Variants in ROCK2 observed in about 807,000 individuals in gnomAD.
ROCK2 encodes the protein Rho associated coiled-coil containing protein kinase 2, also known as rho-associated protein kinase 2.
ROCK2 carries 61 observed loss-of-function variants against 195.1 expected under a neutral mutation model. The ratio of observed to expected loss-of-function variants is 0.31; its 90% CI spans 0.25 to 0.39. The LOEUF (loss-of-function observed/expected upper bound fraction) is 0.39, where lower values mean the gene tolerates loss of function less well. ROCK2 is among the 10% of genes least tolerant of loss of function. The pLI is 1.00. For synonymous variants in ROCK2, 504 were observed against 545.5 expected, an observed-to-expected ratio of 0.92 and a Z score of 1.06; for missense variants, 1,109 against 1,637.4, an observed-to-expected ratio of 0.68 and a Z score of 5.57.
chr2:11,205,934 C>T (rs1167896841), intron 20 of ROCK2, among the ~76,000 whole-genome samples: 1 of 151,952 alleles, frequency 6.6e-6, no homozygotes, highest in African/African-American at 2.4e-5. Flanking sequence ...CATGGTGAAA[C>T]CCTATCTCTA....
At chr2:11,229,902 G>A (rs1016620355) in intron 5 of ROCK2, among the ~76,000 whole-genome samples, 6 of 152,112 alleles carry the variant, frequency 3.9e-5, no homozygotes, top group African/African-American at 7.2e-5. Context: ...TAAGAGCCAA[G>A]AGTTTTACTG....
intron 3 of ROCK2, 66 bp downstream of exon 3, chr2:11,286,473 G>T: frequency 2.0e-6 from 2 of 1,007,004 alleles, no homozygotes; most frequent in Non-Finnish European, 3.1e-6. Context: ...CTACTCAGCT[G>T]CTATTGATAA....
chr2:11,322,802 A>G (rs1668440410), intron 1 of ROCK2, among the ~76,000 whole-genome samples: 1 of 152,166 alleles, frequency 6.6e-6, no homozygotes, highest in Non-Finnish European at 1.5e-5. Context: ...AGTTGTGAAG[A>G]GCTTCTTTAC....
At chr2:11,211,532 T>TA in intron 18 of ROCK2, 149 bp downstream of exon 18, 1 of 633,776 alleles carries the variant, frequency 1.6e-6, no homozygotes, top group Non-Finnish European at 2.5e-6. Flanking sequence ...ATAGAATATC[T>TA]ATGTAAAGCT....
Position 11,298,833 on chromosome 2 carries a change from G to A in ROCK2, c.142-11097C>T, listed in dbSNP as rs915402996. Among the ~76,000 whole-genome samples, 5 of 152,220 alleles carry A rather than the reference G, an allele frequency of 3.3e-5. No individual in the cohort carries two copies. The East Asian group carries it at 5.8e-4, about 18-fold the overall frequency. ...TGAGAAGAGGAGAGCTGCCCTGCTG[G>A]AGAATCTGAGATGGAATTAAAGGAA... On this transcript the variant is annotated intron_variant, in intron 1 of 32. Coordinates refer to ENST00000315872, the MANE Select transcript of ROCK2 (RefSeq NM_004850.5).
Position 11,192,250 on chromosome 2 carries a change from G to A in ROCK2, c.4061C>T (p.Ala1354Val), listed in dbSNP as rs766761794. The part of the protein sequence containing the change: ...LVKKIPKKPP[A>V]PDPFARSSPR... ...AGATGATCGGGCAAAAGGGTCTGGA[G>A]CTGGGGGCTTTTTAGGTATCTTTTT... Residue 1354 changes from alanine to valine, a missense_variant, in exon 32 of 33, where the codon GCT (alanine) becomes GTT (valine). Ala to Val is a moderately conservative substitution (Grantham distance 64). This residue lies in a region of ROCK2 where 221 missense variants were observed against 355.1 expected (regional missense o/e 0.62). Coordinates refer to ENST00000315872, the MANE Select transcript of ROCK2 (RefSeq NM_004850.5). This position sits in a 1 kb window ranked among gnomAD's most constrained non-coding sequence, Gnocchi z 5.0. The A allele has an allele frequency of 1.2e-6, 2 of 1,613,916 alleles. No individual in the cohort carries two copies. Among genetic ancestry groups the A allele is most frequent in the South Asian group, 2.2e-5 (2 of 91,076 alleles).
At position 11,329,688 on chromosome 2, in the gene ROCK2, T is replaced by C. The variant is rs868369970; in HGVS notation, c.141+14308A>G. ...ATTCAAAATTTATAACTTTACAGCC[T>C]CCCCATTTTTACAAAAAAAAAAAAT... On this transcript the variant is annotated intron_variant, in intron 1 of 32. Transcript: ENST00000315872. Among the ~76,000 whole-genome samples, 280 of 86,676 alleles carry C rather than the reference T, an allele frequency of 3.2e-3. 3 individuals are homozygous for C. Among genetic ancestry groups the C allele is most frequent in the African/African-American group, 8.3e-3 (278 of 33,382 alleles). The allele number at this position is 86,676 out of a possible 152,430, so 56.9% of individuals were successfully genotyped here. A position where few individuals can be genotyped will look rare whatever the true frequency, so the allele number is the denominator to read the frequency against.
intron 32 of ROCK2, among the ~76,000 whole-genome samples, chr2:11,186,985 A>T (rs1036780443): frequency 6.6e-6 from 1 of 152,154 alleles, no homozygotes; most frequent in African/African-American, 2.4e-5. Context: ...TGTCTCCACC[A>T]TTAACAGGGA....
intron 3 of ROCK2, among the ~76,000 whole-genome samples, chr2:11,258,453 A>T (rs1666110574): frequency 6.6e-6 from 1 of 151,412 alleles, no homozygotes; most frequent in African/African-American, 2.5e-5. Context: ...TTCTTTTTTA[A>T]AATGTTCCCC....
At chr2:11,263,280 T>C (rs1023983906) in intron 3 of ROCK2, among the ~76,000 whole-genome samples, 4 of 152,170 alleles carry the variant, frequency 2.6e-5, no homozygotes, top group Non-Finnish European at 5.9e-5. Flanking sequence ...AGGATCACAG[T>C]CAATTCTTCA....
intron 1 of ROCK2, among the ~76,000 whole-genome samples, chr2:11,317,581 T>TATATATAAAAAAAAAAAAAAAAA (rs1387281133): frequency 9.1e-5 from 1 of 10,976 alleles, no homozygotes; most frequent in African/African-American, 3.3e-4. Context: ...CACATTTATA[T>TATATATAAAAAAAAAAAAAAAAA]ATATATATAT....
rs1228008054 is a variant in ROCK2 at position 11,210,646 on chromosome 2, T to C, written c.2203+1035A>G. ...GTGAGCCACCATGCCTAGCCTGATA[T>C]ATTCTTTATCTTGTTTTGAACAGTA... On this transcript the variant is annotated intron_variant, in intron 18 of 32. Coordinates refer to ENST00000315872, the MANE Select transcript of ROCK2 (RefSeq NM_004850.5). 2.0e-5 allele frequency among the ~76,000 whole-genome samples: 3 copies of C among 152,186 alleles called. No homozygotes were observed. In the South Asian group the frequency reaches 6.2e-4, roughly 31 times the overall value.
chr2:11,341,303 T>C (rs1572432129), intron 1 of ROCK2, among the ~76,000 whole-genome samples: 1 of 152,212 alleles, frequency 6.6e-6, no homozygotes, highest in African/African-American at 2.4e-5. Context: ...GATGACAAAT[T>C]CAAATGATAA....
intron 1 of ROCK2, among the ~76,000 whole-genome samples, chr2:11,310,424 G>C (rs1381001990): frequency 6.6e-6 from 1 of 152,168 alleles, no homozygotes; most frequent in African/African-American, 2.4e-5. Flanking sequence ...TAGAATTGAT[G>C]AAAGATATTG....
intron 20 of ROCK2, among the ~76,000 whole-genome samples, chr2:11,204,894 T>C (rs1299372939): frequency 3.9e-5 from 6 of 152,214 alleles, no homozygotes; most frequent in African/African-American, 1.2e-4. Flanking sequence ...GGGGGCACTT[T>C]TCCTCTTTCA....
At chr2:11,202,845 T>G (rs543961335) in intron 20 of ROCK2, among the ~76,000 whole-genome samples, 1 of 152,260 alleles carries the variant, frequency 6.6e-6, no homozygotes, top group South Asian at 2.1e-4. Context: ...GAGACCAGTG[T>G]TATACTAAAT....
intron 4 of ROCK2, among the ~76,000 whole-genome samples, chr2:11,240,941 T>C (rs2148114382): frequency 6.6e-6 from 1 of 152,312 alleles, no homozygotes; most frequent in African/African-American, 2.4e-5. Flanking sequence ...ATACCGTATA[T>C]ATTTTCCATC....
chr2:11,330,095 A>C (rs1009528480), intron 1 of ROCK2, among the ~76,000 whole-genome samples: 3 of 152,220 alleles, frequency 2.0e-5, no homozygotes, highest in African/African-American at 7.2e-5. Context: ...AACTGGAAAA[A>C]TACTTCCAAT....
intron 4 of ROCK2, among the ~76,000 whole-genome samples, chr2:11,245,219 A>G (rs1267149835): frequency 2.0e-5 from 3 of 149,768 alleles, no homozygotes; most frequent in Admixed American, 6.7e-5. Flanking sequence ...TAAAATATAA[A>G]TTATATTATA....
Sources: gnomAD v4.1 joint callset for allele counts (sites outside exome capture counted in the v4.1 genomes callset) on GRCh38, gnomAD v4.1.1 for gene constraint, gnomAD v4.1.1 regional missense constraint, Gnocchi (gnomAD v3.1) non-coding constraint, MANE v1.5 for transcripts, NCBI Gene and HGNC (gene_info 2026-07-23, HGNC 2026-07-21) for gene names.